The following LAMA4 variants were observed in gnomAD, a reference collection of about 807,000 sequenced individuals.
The protein encoded by LAMA4 is laminin subunit alpha 4, also known as laminin subunit alpha-4.
In LAMA4, 127 loss-of-function variants were observed where a neutral mutation model predicts 207.1. The observed-to-expected ratio is 0.61, with a 90% CI of 0.53 to 0.71. The LOEUF is 0.71. Ranked by LOEUF, LAMA4 falls within the 30% of genes least tolerant of loss-of-function variation. The probability of loss-of-function intolerance (pLI) is 0.00; values close to 1 mark genes in which losing one functional copy is unlikely to be tolerated. For synonymous variants in LAMA4, 761 were observed against 816.0 expected, an observed-to-expected ratio of 0.93 and a Z score of 1.15; for missense variants, 2,093 against 2,246.5, an observed-to-expected ratio of 0.93 and a Z score of 1.38.
intron 38 of LAMA4, among the ~76,000 whole-genome samples, chr6:112,112,176 G>A (rs1356497081): frequency 6.6e-6 from 1 of 152,168 alleles, no homozygotes; most frequent in East Asian, 1.9e-4. Context: ...AAAGGGGCGT[G>A]TTGTAAGTAA....
intron 2 of LAMA4, among the ~76,000 whole-genome samples, chr6:112,239,234 T>C (rs1325712292): frequency 6.8e-6 from 1 of 146,190 alleles, no homozygotes; most frequent in Non-Finnish European, 1.5e-5. Flanking sequence ...GGCATGAGAA[T>C]AGCTTGAACC....
intron 2 of LAMA4, among the ~76,000 whole-genome samples, chr6:112,226,713 G>C (rs1554362658): frequency 1.3e-5 from 2 of 152,186 alleles, no homozygotes; most frequent in Admixed American, 1.3e-4. Flanking sequence ...AAATGGGTTT[G>C]AATTGGTAAA....
At chr6:112,228,769 A>G (rs1284941003) in intron 2 of LAMA4, among the ~76,000 whole-genome samples, 1 of 152,154 alleles carries the variant, frequency 6.6e-6, no homozygotes, top group Admixed American at 6.5e-5. Context: ...AATGGCCCCA[A>G]CTTTCCCTTC....
chr6:112,230,579 T>TA (rs1554364126), intron 2 of LAMA4, among the ~76,000 whole-genome samples: 1 of 152,248 alleles, frequency 6.6e-6, no homozygotes, highest in Non-Finnish European at 1.5e-5. Flanking sequence ...CTGTAACTAT[T>TA]AGTTTCTTCT....
intron 19 of LAMA4, among the ~76,000 whole-genome samples, chr6:112,143,283 A>C (rs1266253461): frequency 7.2e-6 from 1 of 138,780 alleles, no homozygotes; most frequent in African/African-American, 2.8e-5. Context: ...AAAAACTAAT[A>C]CTTTTTTTTT....
chr6:112,165,513 T>G (rs369887033), intron 12 of LAMA4, among the ~76,000 whole-genome samples: 36 of 152,344 alleles, frequency 2.4e-4, no homozygotes, highest in African/African-American at 8.2e-4. Flanking sequence ...GGAGGATTAT[T>G]ATAACACCGT....
At chr6:112,155,765 G>A in intron 14 of LAMA4, 59 bp from the exon 15 acceptor site, 2 of 1,562,146 alleles carry the variant, frequency 1.3e-6, no homozygotes, top group Non-Finnish European at 1.8e-6. Flanking sequence ...ATGGGGCCAT[G>A]TTTAATGCTT....
chr6:112,196,681 C>T (rs1314885115), intron 5 of LAMA4: 1 of 152,186 alleles, frequency 6.6e-6, no homozygotes, highest in Non-Finnish European at 1.5e-5. Context: ...CAGCCAGACT[C>T]AGTCAACTCT....
At chr6:112,202,265 T>C (rs1583877608) in intron 4 of LAMA4, among the ~76,000 whole-genome samples, 1 of 152,180 alleles carries the variant, frequency 6.6e-6, no homozygotes. Context: ...CCCTCTCTCT[T>C]TCTTCTTCTT....
Position 112,148,153 on chromosome 6 carries a change from ATACCTGC to A in LAMA4, c.2350_2353+3del. The A allele has an allele frequency of 1.2e-6, 2 of 1,613,048 alleles. No homozygotes were observed. The highest frequency in any genetic ancestry group is 3.3e-5 in the Admixed American group (2 of 60,028). ...ATTCAAATTGTGAAATTTCTAAGTG[ATACCTGC>A]ATCCCTAGCAGAGTTCACTGCAGTG... On this transcript the variant is annotated splice_donor_variant and splice_donor_region_variant and coding_sequence_variant and intron_variant, in exon 18 of 39. Transcript: ENST00000230538. LOFTEE classifies it high-confidence loss of function.
Position 112,254,245 on chromosome 6 carries a change from C to G in LAMA4, c.-95G>C. The G allele has an allele frequency of 6.6e-7, 1 of 1,508,382 alleles. No individual in the cohort carries two copies. The highest frequency in any genetic ancestry group is 1.2e-5 in the South Asian group (1 of 85,188). 93.4% of individuals were successfully genotyped at this position (1,508,382 alleles called of 1,614,324 possible). On this transcript the variant is annotated 5_prime_UTR_variant, in exon 2 of 39. Coordinates refer to ENST00000230538, the MANE Select transcript of LAMA4 (RefSeq NM_001105206.3). ...GGTGCGGCGGTGCCTCGCTTATTTT[C>G]CCTCCTCTCCGTGTGCAGTATCCCG...
At chr6:112,158,119 T>A (rs1780831231) in intron 14 of LAMA4, 1 of 153,380 alleles carries the variant, frequency 6.5e-6, no homozygotes, top group South Asian at 2.1e-4. Context: ...TACTTTTCAG[T>A]TAACATTAAT....
At chr6:112,218,432 C>T (rs1476650020) in intron 2 of LAMA4, 2 of 152,156 alleles carry the variant, frequency 1.3e-5, no homozygotes, top group African/African-American at 4.8e-5. Flanking sequence ...TCTCACAATG[C>T]CTTGTATATA....
chr6:112,188,542 A>G (rs1448737636), intron 7 of LAMA4, among the ~76,000 whole-genome samples: 1 of 152,226 alleles, frequency 6.6e-6, no homozygotes, highest in Non-Finnish European at 1.5e-5. Flanking sequence ...GATGCCTACT[A>G]TTAAAATAGT....
At position 112,109,473 on chromosome 6, in the gene LAMA4, G is replaced by A. The variant is rs782692429; in HGVS notation, c.5436C>T (p.Ser1812=). 1.2e-5 allele frequency: 20 copies of A among 1,613,914 alleles called. No individual in the cohort carries two copies. The highest frequency in any genetic ancestry group is 6.7e-5 in the East Asian group (3 of 44,886). The change falls in exon 39 of 39, where the codon AGC becomes AGT. Residue 1812 remains serine, a synonymous_variant. Transcript: ENST00000230538. ...GACAGGAGTTGATGCTTACGGCGCCGCTGACCAGGGCTGCTTTACTGAAGC... is the reference window on the plus strand; with the variant it reads ...GACAGGAGTTGATGCTTACGGCGCCACTGACCAGGGCTGCTTTACTGAAGC... The part of the protein sequence containing the change: ...PVSFSKAALV[S]GAVSINSCPA...
chr6:112,190,285 T>C (rs117919785), intron 6 of LAMA4, among the ~76,000 whole-genome samples: 24 of 152,362 alleles, frequency 1.6e-4, no homozygotes, highest in Non-Finnish European at 2.9e-4. Flanking sequence ...TCTCTCTCTT[T>C]AGCCTGACTA....
chr6:112,159,102 G>A (rs1463777462), intron 13 of LAMA4: 7 of 532,204 alleles, frequency 1.3e-5, no homozygotes, highest in Non-Finnish European at 2.3e-5. Context: ...TCACAACCCA[G>A]AAATGCTCTA....
At chr6:112,130,064 A>T (rs782599524) in intron 29 of LAMA4, 24 bp from the exon 30 acceptor site, 1 of 1,606,066 alleles carries the variant, frequency 6.2e-7, no homozygotes, top group South Asian at 1.1e-5. Flanking sequence ...AGGCTTCTTT[A>T]CATACCACAG....
At chr6:112,144,752 A>G (rs1554334063) in intron 19 of LAMA4, 42 bp downstream of exon 19, 3 of 1,608,018 alleles carry the variant, frequency 1.9e-6, no homozygotes, top group Admixed American at 3.3e-5. Context: ...GCTTCGTGTT[A>G]TTATTACCGC....
Sources: allele counts gnomAD v4.1 joint callset (sites outside exome capture counted in the v4.1 genomes callset), GRCh38; gene constraint gnomAD v4.1.1; transcripts MANE v1.5; gene names NCBI Gene and HGNC (gene_info 2026-07-23, HGNC 2026-07-21).